MAK: variants seen among roughly 807,000 people sequenced by gnomAD.
The protein encoded by MAK is serine/threonine-protein kinase MAK.
Under a neutral mutation model 82.6 loss-of-function variants are expected in MAK, and 65 were observed. That is an observed-to-expected ratio of 0.79 (90% confidence interval 0.64 to 0.97). MAK has a LOEUF of 0.97. Among genes scored for constraint, MAK ranks in the 50% least tolerant of loss-of-function variants. The probability of loss-of-function intolerance (pLI) is 0.00; values close to 1 mark genes in which losing one functional copy is unlikely to be tolerated. For missense variants in MAK, 703 were observed against 780.2 expected, an observed-to-expected ratio of 0.90 and a Z score of 1.18; for synonymous variants, 250 against 274.2, an observed-to-expected ratio of 0.91 and a Z score of 0.87.
intron 5 of MAK, among the ~76,000 whole-genome samples, chr6:10,813,398 G>C (rs183337602): frequency 5.3e-5 from 8 of 150,256 alleles, no homozygotes; most frequent in Admixed American, 4.7e-4. Flanking sequence ...CAGGTGATCC[G>C]CCTGCCTTGG....
At chr6:10,767,749 G>A (rs1289080868) in intron 14 of MAK, among the ~76,000 whole-genome samples, 2 of 148,062 alleles carry the variant, frequency 1.4e-5, no homozygotes, top group East Asian at 2.0e-4. Flanking sequence ...CTGAGATCAC[G>A]CCACTGCACT....
chr6:10,836,426 G>C (rs1187888013), intron 1 of MAK, among the ~76,000 whole-genome samples: 1 of 152,136 alleles, frequency 6.6e-6, no homozygotes, highest in Non-Finnish European at 1.5e-5. Context: ...ACATACAATT[G>C]TCTAATGTAG....
chr6:10,784,279 T>A (rs1225691394), intron 11 of MAK, 145 bp downstream of exon 11: 3 of 757,438 alleles, frequency 4.0e-6, no homozygotes, highest in South Asian at 1.6e-5. Context: ...TCCAGAAAAG[T>A]CCTTGGCGAC....
chr6:10,780,294 C>T, intron 11 of MAK: 2 of 962,018 alleles, frequency 2.1e-6, no homozygotes, highest in Non-Finnish European at 2.5e-6. Flanking sequence ...TCAAACAGGT[C>T]TCAGAAAACC....
At position 10,803,556 on chromosome 6, in the gene MAK, A is replaced by AC. The variant is rs1168926086; in HGVS notation, c.663+163_663+164insG. The stretch of plus-strand genomic sequence containing the variant: ...CAAGACTCCATCTCAAAAAAAAAAA[A>AC]AGAATTATAAGAAAATTAATCATTA... On this transcript the variant is annotated intron_variant, in intron 7 of 14. Transcript: ENST00000354489. Among the ~76,000 whole-genome samples the AC allele has an allele frequency of 7.2e-5, 11 of 151,808 alleles. No homozygotes were observed. In the East Asian group the frequency reaches 1.7e-3, roughly 24 times the overall value.
rs753029772 is a variant in MAK at position 10,791,845 on chromosome 6, C to T, written c.1146G>A (p.Lys382=). The change falls in exon 10 of 15, where the codon AAG becomes AAA. Residue 382 remains lysine (K), a splice_region_variant and synonymous_variant. Coordinates refer to ENST00000354489, the MANE Select transcript of MAK (RefSeq NM_001242957.3). ...TTTTATGACTCAGTGTGCCATTTGG[C>T]TTCTGTGGTGGAAAATCAGTCATCA... ...FPSIVKNMPT[K]PNGTLSHKSG... is the part of the protein sequence containing the mutation. 1.2e-6 allele frequency: 2 copies of T among 1,614,122 alleles called. No individual in the cohort carries two copies. The highest frequency in any genetic ancestry group is 2.2e-5 in the East Asian group (1 of 44,874).
chr6:10,786,039 G>C (rs906722462), intron 10 of MAK, among the ~76,000 whole-genome samples: 7 of 152,174 alleles, frequency 4.6e-5, no homozygotes, highest in Non-Finnish European at 1.0e-4. Context: ...GAGATCAGGA[G>C]TTTGAGACCA....
At chr6:10,802,309 T>G (rs537357999) in intron 7 of MAK, 3 of 432,754 alleles carry the variant, frequency 6.9e-6, no homozygotes, top group Admixed American at 4.0e-5. Context: ...TTGTTTGTTT[T>G]TTTGTGTTTT....
chr6:10,822,010 G>A (rs180827145), intron 2 of MAK, among the ~76,000 whole-genome samples: 1,702 of 151,858 alleles, frequency 0.011, 30 homozygotes, highest in African/African-American at 0.038. Flanking sequence ...AGCCAGGCGT[G>A]GTGGCGGGCG....
At chr6:10,766,289 A>G (rs115010835) in intron 14 of MAK, among the ~76,000 whole-genome samples, 3,463 of 152,274 alleles carry the variant, frequency 0.023, 119 homozygotes, top group African/African-American at 0.08. Flanking sequence ...GGGAGTGAGG[A>G]GGGAATTCTG....
chr6:10,820,178 T>C (rs1342665597), intron 2 of MAK, among the ~76,000 whole-genome samples: 4 of 152,156 alleles, frequency 2.6e-5, no homozygotes, highest in Admixed American at 2.6e-4. Context: ...ATGGGAATTA[T>C]AAGGCTGGGC....
At chr6:10,784,903 A>G (rs1278409687) in intron 10 of MAK, 1 of 502,838 alleles carries the variant, frequency 2.0e-6, no homozygotes, top group Non-Finnish European at 3.9e-6. Flanking sequence ...AGAGGGAAAT[A>G]ACAGCCATCT....
intron 2 of MAK, among the ~76,000 whole-genome samples, chr6:10,829,843 CT>C (rs1213826186): frequency 3.8e-4 from 56 of 146,930 alleles, no homozygotes; most frequent in African/African-American, 4.7e-4. Context: ...CGTATATATT[CT>C]TTTTTTTTTT....
chr6:10,837,758 C>A (rs1779245796), intron 1 of MAK, among the ~76,000 whole-genome samples: 1 of 152,218 alleles, frequency 6.6e-6, no homozygotes, highest in African/African-American at 2.4e-5. Context: ...ACCGCACTCT[C>A]GACCTGTCCC....
chr6:10,820,467 T>C (rs1333703037), intron 2 of MAK, among the ~76,000 whole-genome samples: 1 of 152,202 alleles, frequency 6.6e-6, no homozygotes, highest in South Asian at 2.1e-4. Flanking sequence ...ACAAGTCACC[T>C]AATGACCTGT....
intron 6 of MAK, among the ~76,000 whole-genome samples, chr6:10,806,649 G>A (rs1167172790): frequency 6.6e-6 from 1 of 151,554 alleles, no homozygotes; most frequent in Non-Finnish European, 1.5e-5. Context: ...GAGCCACTGT[G>A]CCCGGCCTAA....
chr6:10,794,364 A>G (rs991364628), intron 9 of MAK, among the ~76,000 whole-genome samples: 5 of 152,294 alleles, frequency 3.3e-5, no homozygotes, highest in East Asian at 1.9e-4. Context: ...ACTGATAAAC[A>G]CACAAACATT....
intron 6 of MAK, among the ~76,000 whole-genome samples, chr6:10,805,359 G>T (rs917736142): frequency 6.6e-6 from 1 of 152,092 alleles, no homozygotes; most frequent in South Asian, 2.1e-4. Flanking sequence ...AGACCAAGGC[G>T]GGTGAATCAT....
intron 13 of MAK, among the ~76,000 whole-genome samples, chr6:10,771,696 G>T (rs1337990956): frequency 6.6e-6 from 1 of 152,218 alleles, no homozygotes; most frequent in Non-Finnish European, 1.5e-5. Context: ...AGCAACAAAT[G>T]TCAAAGCGCA....
Sources: gnomAD v4.1 joint callset for allele counts (sites outside exome capture counted in the v4.1 genomes callset) on GRCh38, gnomAD v4.1.1 for gene constraint, MANE v1.5 for transcripts, NCBI Gene and HGNC (gene_info 2026-07-23, HGNC 2026-07-21) for gene names.